The following NUDT13 variants were observed in gnomAD, a reference collection of about 807,000 sequenced individuals.
NUDT13 encodes NAD(P)H pyrophosphatase NUDT13, mitochondrial.
In NUDT13, 40 loss-of-function variants were observed where a neutral mutation model predicts 41.7. The observed-to-expected ratio is 0.96, with a 90% CI of 0.75 to 1.25. The LOEUF (loss-of-function observed/expected upper bound fraction) is 1.25. Ranked by LOEUF, NUDT13 falls within the 50% of genes most tolerant of loss-of-function variation. NUDT13 has a pLI of 0.00. For missense variants in NUDT13, 390 were observed against 416.1 expected, an observed-to-expected ratio of 0.94 and a Z score of 0.55; for synonymous variants, 145 against 155.5, an observed-to-expected ratio of 0.93 and a Z score of 0.50.
In NUDT13 at chr10:73,126,808, T is replaced by G; in HGVS notation, c.839T>G (p.Val280Gly). 1 of 1,614,154 alleles carries G rather than the reference T, an allele frequency of 6.2e-7. No homozygotes were observed. Among genetic ancestry groups the G allele is most frequent in the Non-Finnish European group, 8.5e-7 (1 of 1,179,986 alleles). The change falls in exon 8 of 9, where the codon GTG (valine) becomes GGG (glycine). Residue 280 changes from valine (V) to glycine (G), a missense_variant. Physicochemically the swap from Val to Gly is moderately radical, Grantham distance 109 (BLOSUM62 -3). Coordinates refer to ENST00000357321, the MANE Select transcript of NUDT13 (RefSeq NM_015901.6). ...CTCATGATTGCTTGCCATGCAACTG[T>G]GAAACCAGGGCAGACAGAAGTAAGT... ...GSLMIACHAT[V>G]KPGQTEIQVN... is the part of the protein sequence containing the mutation.
chr10:73,120,482 T>C (rs1331582785), intron 3 of NUDT13, among the ~76,000 whole-genome samples: 1 of 152,188 alleles, frequency 6.6e-6, no homozygotes, highest in East Asian at 1.9e-4. Context: ...CATTGACATA[T>C]TGTCTATGGC....
At chr10:73,125,706 T>C (rs550856727) in intron 7 of NUDT13, among the ~76,000 whole-genome samples, 197 bp downstream of exon 7, 50 of 149,030 alleles carry the variant, frequency 3.4e-4, no homozygotes, top group Non-Finnish European at 6.8e-4. Flanking sequence ...TTTTTTGAGA[T>C]GGGAGTCTCA....
chr10:73,110,638 G>A (rs1482467872), intron 1 of NUDT13, 71 bp downstream of exon 1: 1 of 152,122 alleles, frequency 6.6e-6, no homozygotes, highest in African/African-American at 2.4e-5. Flanking sequence ...GGCATGATCA[G>A]AACTTGAAAA....
chr10:73,120,851 T>C (rs12572146), intron 3 of NUDT13, among the ~76,000 whole-genome samples: 10,835 of 149,886 alleles, frequency 0.072, 634 homozygotes, highest in East Asian at 0.3. Context: ...GGTAGGAGAA[T>C]GGCGTCAACC....
chr10:73,124,496 C>T lies in NUDT13; in HGVS notation c.465+176C>T, dbSNP rs983479067. ...GGGAGATTGCTTATTCTTCCTTCTT[C>T]TGCCCTTGTTTTTGGCAGAACCACT... On this transcript the variant is annotated intron_variant, in intron 5 of 8. Coordinates refer to ENST00000357321, the MANE Select transcript of NUDT13 (RefSeq NM_015901.6). 3 of 556,798 alleles carry T rather than the reference C, an allele frequency of 5.4e-6. No homozygotes were observed. The Admixed American group carries it at 9.4e-5, about 17-fold the overall frequency. 34.5% of individuals were successfully genotyped at this position (556,798 alleles called of 1,614,324 possible). A position where few individuals can be genotyped will look rare whatever the true frequency, so the allele number is the denominator to read the frequency against.
chr10:73,111,180 G>T (rs1454902660), intron 1 of NUDT13, among the ~76,000 whole-genome samples: 1 of 152,008 alleles, frequency 6.6e-6, no homozygotes, highest in Non-Finnish European at 1.5e-5. Context: ...GGGTTTCACC[G>T]TGTTAGCCAG....
chr10:73,110,729 C>T (rs1330789182), intron 1 of NUDT13, among the ~76,000 whole-genome samples, 162 bp downstream of exon 1: 3 of 152,132 alleles, frequency 2.0e-5, no homozygotes, highest in Non-Finnish European at 4.4e-5. Context: ...CATAGTTTTG[C>T]CTCATAACTG....
chr10:73,130,833 A>C lies in NUDT13; in HGVS notation c.989A>C (p.Lys330Thr). The C allele has an allele frequency of 6.2e-7, 1 of 1,613,982 alleles. No individual in the cohort carries two copies. The change falls in exon 9 of 9, where the codon AAG becomes ACG. Residue 330 changes from lysine to threonine, a missense_variant. Transcript: ENST00000357321. ...NGTFPFWLPPKLAISHQLIKE... is the reference protein window; with the variant it reads ...NGTFPFWLPPTLAISHQLIKE... ...ACTTTCCCATTCTGGCTGCCCCCTA[A>C]GTTAGCCATCTCCCACCAACTGATT...
At position 73,124,306 on chromosome 10, in the gene NUDT13, T is replaced by C; in HGVS notation, c.451T>C (p.Ser151Pro). ...CTTTCAACTCAATGCAAGGGATGCC[T>C]CCTTGCTGTCCACGGTAGATTCTGA... ...ALFQLNARDA[S>P]LLSTAQALLR... Residue 151 changes from serine to proline, a missense_variant, in exon 5 of 9, where the codon TCC becomes CCC. Physicochemically the swap from Ser to Pro is moderately conservative, Grantham distance 74 (BLOSUM62 -1). Coordinates refer to ENST00000357321, the MANE Select transcript of NUDT13 (RefSeq NM_015901.6). 2 of 1,605,548 alleles carry C rather than the reference T, an allele frequency of 1.2e-6. No individual in the cohort carries two copies. Among genetic ancestry groups the C allele is most frequent in the African/African-American group, 1.3e-5 (1 of 74,936 alleles).
chr10:73,129,929 A>G (rs1452320093), intron 8 of NUDT13, among the ~76,000 whole-genome samples: 1 of 151,694 alleles, frequency 6.6e-6, no homozygotes, highest in Non-Finnish European at 1.5e-5. Context: ...CAGTGAGCCA[A>G]GATCACACCA....
chr10:73,125,586 C>A, intron 7 of NUDT13, 77 bp downstream of exon 7: 1 of 951,214 alleles, frequency 1.1e-6, no homozygotes, highest in East Asian at 2.9e-5. Context: ...TGTCTTGTTG[C>A]TATAGAGCTT....
chr10:73,119,396 A>T, intron 2 of NUDT13: 1 of 547,702 alleles, frequency 1.8e-6, no homozygotes, highest in Non-Finnish European at 2.3e-6. Flanking sequence ...TTTGGGATCT[A>T]GATGTCTGAA....
At position 73,125,257 on chromosome 10, in the gene NUDT13, T is replaced by G; in HGVS notation, c.591+14T>G. ...TATTATCCACAGGTAATTATTGCTG[T>G]AAGAGGACAGTAATCCAAGAAGACT... On this transcript the variant is annotated intron_variant, in intron 6 of 8. Coordinates refer to ENST00000357321, the MANE Select transcript of NUDT13 (RefSeq NM_015901.6). 1 of 1,607,630 alleles carries G rather than the reference T, an allele frequency of 6.2e-7. No homozygotes were observed. The highest frequency in any genetic ancestry group is 1.1e-5 in the South Asian group (1 of 90,660).
At chr10:73,116,587 C>T (rs1589654160) in intron 2 of NUDT13, among the ~76,000 whole-genome samples, 5 of 152,006 alleles carry the variant, frequency 3.3e-5, no homozygotes, top group Non-Finnish European at 1.5e-5. Flanking sequence ...ACTAAAAATA[C>T]AAAAATTAGC....
chr10:73,113,633 G>A (rs946636341), intron 1 of NUDT13, among the ~76,000 whole-genome samples: 4 of 152,104 alleles, frequency 2.6e-5, no homozygotes, highest in African/African-American at 9.7e-5. Flanking sequence ...AATAAAGTCA[G>A]TACTCAATAA....
At position 73,130,920 on chromosome 10, in the gene NUDT13, T is replaced by C. The variant is rs759955022; in HGVS notation, c.*17T>C. 8.7e-6 allele frequency: 14 copies of C among 1,603,358 alleles called. No individual in the cohort carries two copies. The Middle Eastern group carries it at 9.0e-4, about 103-fold the overall frequency. The stretch of plus-strand genomic sequence containing the variant: ...CCTGCTTAGCCCGGATCAAGTCACT[T>C]AGATCGCTCCTTGGTATTCCTGAGG... On this transcript the variant is annotated 3_prime_UTR_variant, in exon 9 of 9. Coordinates refer to ENST00000357321, the MANE Select transcript of NUDT13 (RefSeq NM_015901.6).
rs767813684 is a variant in NUDT13, at chr10:73,124,279, C to G, written c.424C>G (p.Leu142Val). Residue 142 changes from leucine (L) to valine (V), a missense_variant, in exon 5 of 9, where the codon CTC becomes GTC. Coordinates refer to ENST00000357321, the MANE Select transcript of NUDT13 (RefSeq NM_015901.6). ...GTCTTTCATTGAGCTGAGAAAGGCA[C>G]TCTTTCAACTCAATGCAAGGGATGC... ...KGSFIELRKALFQLNARDASL... is the reference protein window; with the variant it reads ...KGSFIELRKAVFQLNARDASL... 1.2e-6 allele frequency: 2 copies of G among 1,613,446 alleles called. No homozygotes were observed. Among genetic ancestry groups the G allele is most frequent in the Non-Finnish European group, 8.5e-7 (1 of 1,179,782 alleles).
intron 2 of NUDT13, among the ~76,000 whole-genome samples, chr10:73,117,962 A>G (rs1159766601): frequency 6.6e-6 from 1 of 152,220 alleles, no homozygotes; most frequent in Non-Finnish European, 1.5e-5. Flanking sequence ...GAGGAGTGTA[A>G]GGAACTTTTG....
Position 73,120,149 on chromosome 10 carries a change from G to T in NUDT13, c.215G>T (p.Ser72Ile). 6.2e-7 allele frequency: 1 copy of T among 1,614,168 alleles called. No individual in the cohort carries two copies. Among genetic ancestry groups the T allele is most frequent in the Non-Finnish European group, 8.5e-7 (1 of 1,180,026 alleles). The change falls in exon 3 of 9, where the codon AGC becomes ATC. Residue 72 changes from serine to isoleucine, a missense_variant. Coordinates refer to ENST00000357321, the MANE Select transcript of NUDT13 (RefSeq NM_015901.6). Reference protein sequence around the residue: ...SAHQYLAPRHSLLELERLLGK... With the variant: ...SAHQYLAPRHILLELERLLGK... ...CATCAATACCTGGCCCCCCGGCACAGCCTGTTAGGTAAGTCCAGAGTGGAC... is the reference window on the plus strand; with the variant it reads ...CATCAATACCTGGCCCCCCGGCACATCCTGTTAGGTAAGTCCAGAGTGGAC...
Sources: allele counts gnomAD v4.1 joint callset (sites outside exome capture counted in the v4.1 genomes callset), GRCh38; gene constraint gnomAD v4.1.1; transcripts MANE v1.5; gene names NCBI Gene and HGNC (gene_info 2026-07-23, HGNC 2026-07-21).